The following SLC39A11 variants were observed in gnomAD, a reference collection of about 807,000 sequenced individuals.
SLC39A11 encodes the protein zinc transporter ZIP11.
SLC39A11 carries 33 observed loss-of-function variants against 36.1 expected under a neutral mutation model. The ratio of observed to expected loss-of-function variants is 0.91; its 90% CI spans 0.69 to 1.22. SLC39A11 has a LOEUF of 1.22. Ranked by LOEUF, SLC39A11 falls within the 50% of genes most tolerant of loss-of-function variation. The probability of loss-of-function intolerance (pLI) is 0.00; values close to 1 mark genes in which losing one functional copy is unlikely to be tolerated. For synonymous variants in SLC39A11, 166 were observed against 170.3 expected, an observed-to-expected ratio of 0.97 and a Z score of 0.20; for missense variants, 432 against 430.3, an observed-to-expected ratio of 1.00 and a Z score of -0.03.
intron 3 of SLC39A11, among the ~76,000 whole-genome samples, chr17:73,064,855 G>A (rs1034999718): frequency 1.4e-4 from 21 of 152,118 alleles, no homozygotes; most frequent in African/African-American, 4.1e-4. Flanking sequence ...TCTGGTCTCC[G>A]TGCTTCTCTT....
Position 72,800,264 on chromosome 17 carries a change from T to G in SLC39A11, c.601+49370A>C, listed in dbSNP as rs34943951. Among the ~76,000 whole-genome samples the G allele has an allele frequency of 4.0e-3, 595 of 149,308 alleles. 3 individuals carry two copies. Among genetic ancestry groups the G allele is most frequent in the Non-Finnish European group, 6.4e-3 (435 of 67,534 alleles). Reference sequence around the variant, plus strand: ...CCAGAAATGCAAAGAAGGTCCAAACTACATAAAATGCTCCACAAGGACCAG... The same window carrying G: ...CCAGAAATGCAAAGAAGGTCCAAACGACATAAAATGCTCCACAAGGACCAG... On this transcript the variant is annotated intron_variant, in intron 6 of 9. Transcript: ENST00000255559.
Position 72,649,249 on chromosome 17 carries a change from C to T in SLC39A11, c.691G>A (p.Gly231Arg), listed in dbSNP as rs761643320. ...AGGCCCTCGGGGAAATTCTGGATCC[C>T]GATTCCAATGGCCAAATTCCTGAAA... The part of the protein sequence containing the change: ...ESARNLAIGI[G>R]IQNFPEGLAV... Residue 231 changes from glycine (G) to arginine (R), a missense_variant, in exon 8 of 10, where the codon GGG becomes AGG. By Grantham distance (125) the Gly-to-Arg change is moderately radical. Coordinates refer to ENST00000255559, the MANE Select transcript of SLC39A11 (RefSeq NM_139177.4). The T allele has an allele frequency of 7.4e-6, 12 of 1,614,040 alleles. No homozygotes were observed. The highest frequency in any genetic ancestry group is 4.4e-5 in the South Asian group (4 of 91,084).
At chr17:72,894,023 T>C (rs919448625) in intron 5 of SLC39A11, among the ~76,000 whole-genome samples, 1 of 152,104 alleles carries the variant, frequency 6.6e-6, no homozygotes, top group African/African-American at 2.4e-5. Context: ...GTATGTAAAC[T>C]GATAAAGTTC....
chr17:72,843,865 C>T (rs9909124), intron 6 of SLC39A11, among the ~76,000 whole-genome samples: 65,980 of 151,916 alleles, frequency 0.43, 14,598 homozygotes, highest in East Asian at 0.67. Flanking sequence ...GAGCCCCAGA[C>T]GTGTGCATAT....
Position 72,862,835 on chromosome 17 carries a change from A to T in SLC39A11, c.431-13031T>A, listed in dbSNP as rs1394400868. ...AAGAAAGGTGGGAAGCTGAGGCCAC[A>T]TGTGCATGCGGGAGCAGACTGTGAG... On this transcript the variant is annotated intron_variant, in intron 5 of 9. Transcript: ENST00000255559. Among the ~76,000 whole-genome samples, 3 of 152,112 alleles carry T rather than the reference A, an allele frequency of 2.0e-5. No homozygotes were observed. In the East Asian group the frequency reaches 5.8e-4, roughly 29 times the overall value.
chr17:72,778,730 C>T (rs910998957), intron 6 of SLC39A11, among the ~76,000 whole-genome samples: 1 of 152,222 alleles, frequency 6.6e-6, no homozygotes, highest in Non-Finnish European at 1.5e-5. Flanking sequence ...ACTGTCATCA[C>T]GGCGTCTGCT....
chr17:72,720,079 C>T (rs750513957), intron 7 of SLC39A11, among the ~76,000 whole-genome samples: 7 of 152,164 alleles, frequency 4.6e-5, no homozygotes, highest in Non-Finnish European at 1.0e-4. Flanking sequence ...ACAGAGCTGA[C>T]CACGCATTGC....
chr17:72,651,480 C>T (rs547018622), intron 7 of SLC39A11, among the ~76,000 whole-genome samples: 32 of 152,210 alleles, frequency 2.1e-4, no homozygotes, highest in African/African-American at 4.1e-4. Flanking sequence ...GGAGGAGATC[C>T]GGAGCAACAC....
intron 4 of SLC39A11, among the ~76,000 whole-genome samples, chr17:73,015,194 G>T (rs1039791414): frequency 1.2e-4 from 18 of 152,206 alleles, no homozygotes; most frequent in African/African-American, 4.3e-4. Context: ...GCACTCATCT[G>T]ATCTTCTGCA....
chr17:73,010,897 G>C (rs748337749), intron 4 of SLC39A11, among the ~76,000 whole-genome samples: 1 of 152,202 alleles, frequency 6.6e-6, no homozygotes, highest in Non-Finnish European at 1.5e-5. Context: ...GATGCCGTAA[G>C]GAAGCGTTTT....
intron 7 of SLC39A11, among the ~76,000 whole-genome samples, chr17:72,706,004 C>G (rs1288946933): frequency 6.6e-6 from 1 of 152,126 alleles, no homozygotes; most frequent in African/African-American, 2.4e-5. Flanking sequence ...TTTCTGGTCC[C>G]CAGGACACGT....
chr17:73,023,440 A>G (rs1265024455), intron 4 of SLC39A11, among the ~76,000 whole-genome samples: 3 of 152,112 alleles, frequency 2.0e-5, no homozygotes. Flanking sequence ...CTTGAGCCCA[A>G]GAGTTGAAAA....
intron 4 of SLC39A11, among the ~76,000 whole-genome samples, chr17:73,000,742 T>A (rs2089774935): frequency 6.6e-6 from 1 of 152,232 alleles, no homozygotes; most frequent in Admixed American, 6.5e-5. Flanking sequence ...TGAAGTTTTT[T>A]AAAATCCTAC....
chr17:72,946,897 C>T (rs1193721695), intron 5 of SLC39A11, among the ~76,000 whole-genome samples: 3 of 152,240 alleles, frequency 2.0e-5, no homozygotes, highest in Non-Finnish European at 4.4e-5. Context: ...CTGCATCTCT[C>T]CCCACCCAGC....
intron 6 of SLC39A11, among the ~76,000 whole-genome samples, chr17:72,800,136 C>T (rs903016965): frequency 6.6e-6 from 1 of 151,964 alleles, no homozygotes; most frequent in African/African-American, 2.4e-5. Flanking sequence ...ATGTGAGAGA[C>T]AGCACAGACA....
At chr17:72,689,033 C>T (rs866652187) in intron 7 of SLC39A11, among the ~76,000 whole-genome samples, 3 of 152,134 alleles carry the variant, frequency 2.0e-5, no homozygotes, top group Non-Finnish European at 4.4e-5. Context: ...GGAGCAGGTA[C>T]CTGAGGTGGG....
intron 4 of SLC39A11, among the ~76,000 whole-genome samples, chr17:72,978,452 G>C (rs1184123177): frequency 1.3e-5 from 2 of 152,216 alleles, no homozygotes; most frequent in African/African-American, 2.4e-5. Flanking sequence ...CAAGTTCTAG[G>C]AAGGAAATAA....
At chr17:72,719,749 G>A (rs1268320013) in intron 7 of SLC39A11, among the ~76,000 whole-genome samples, 3 of 152,200 alleles carry the variant, frequency 2.0e-5, no homozygotes, top group East Asian at 1.9e-4. Context: ...CAGAGTATAC[G>A]TTGTGCAGAG....
At chr17:73,015,242 C>T (rs2090744779) in intron 4 of SLC39A11, among the ~76,000 whole-genome samples, 1 of 152,156 alleles carries the variant, frequency 6.6e-6, no homozygotes, top group African/African-American at 2.4e-5. Context: ...ACATGCCTTC[C>T]TTTCCATTTT....
Sources: gnomAD v4.1 joint callset for allele counts (sites outside exome capture counted in the v4.1 genomes callset) on GRCh38, gnomAD v4.1.1 for gene constraint, MANE v1.5 for transcripts, NCBI Gene and HGNC (gene_info 2026-07-23, HGNC 2026-07-21) for gene names.